CGNL1: variants seen among roughly 807,000 people sequenced by gnomAD.
CGNL1 encodes cingulin-like protein 1.
Under a neutral mutation model 141.2 loss-of-function variants are expected in CGNL1, and 132 were observed. The observed-to-expected ratio is 0.93, with a 90% CI of 0.81 to 1.08. The LOEUF is 1.08. CGNL1 is among the 50% of genes least tolerant of loss of function. The pLI, the probability that CGNL1 is intolerant of heterozygous loss-of-function variation, is 0.00. For missense variants in CGNL1, 1,870 were observed against 1,588.6 expected (o/e 1.18, Z -3.01); for synonymous variants, 690 against 622.1 (o/e 1.11, Z -1.63).
chr15:57,483,979 C>G (rs1301321041), intron 8 of CGNL1, among the ~76,000 whole-genome samples: 1 of 152,078 alleles, frequency 6.6e-6, no homozygotes, highest in Non-Finnish European at 1.5e-5. Context: ...TTAAAAATTG[C>G]TGACTTTTAT....
intron 1 of CGNL1, among the ~76,000 whole-genome samples, chr15:57,382,518 T>A (rs929461340): frequency 6.6e-6 from 1 of 152,222 alleles, no homozygotes; most frequent in Non-Finnish European, 1.5e-5. Flanking sequence ...TTCAGGTGAT[T>A]GCTTTGTAGT....
At chr15:57,513,253 GGTGTGTGTGTGTGT>G (rs369204678) in intron 8 of CGNL1, among the ~76,000 whole-genome samples, 40 of 133,890 alleles carry the variant, frequency 3.0e-4, no homozygotes, top group South Asian at 7.8e-4. Context: ...TGTCAATATG[GGTGTGTGTGTGTGT>G]GTGTGTGTGT....
intron 10 of CGNL1, among the ~76,000 whole-genome samples, chr15:57,521,842 C>T (rs1164106720): frequency 6.6e-6 from 1 of 151,860 alleles, no homozygotes; most frequent in Non-Finnish European, 1.5e-5. Context: ...AGGAGAAAGG[C>T]TGGGGGATTC....
intron 1 of CGNL1, among the ~76,000 whole-genome samples, chr15:57,403,546 T>C (rs1053084231): frequency 3.9e-5 from 6 of 152,180 alleles, no homozygotes; most frequent in African/African-American, 1.2e-4. Context: ...TCTGCCCTCC[T>C]GTGTGCCCAC....
chr15:57,408,783 C>T (rs1229917188), intron 1 of CGNL1, among the ~76,000 whole-genome samples: 2 of 152,086 alleles, frequency 1.3e-5, no homozygotes, highest in African/African-American at 4.8e-5. Flanking sequence ...TGCCTGTAAT[C>T]CCAGCACTTT....
At chr15:57,532,591 A>C (rs2032013651) in intron 14 of CGNL1, among the ~76,000 whole-genome samples, 1 of 152,232 alleles carries the variant, frequency 6.6e-6, no homozygotes, top group African/African-American at 2.4e-5. Flanking sequence ...GTGTTGTCAT[A>C]AGGATCAAAT....
chr15:57,544,582 T>C lies in CGNL1; in HGVS notation c.3485T>C (p.Leu1162Pro). 1 of 1,586,966 alleles carries C rather than the reference T, an allele frequency of 6.3e-7. No homozygotes were observed. The highest frequency in any genetic ancestry group is 1.1e-5 in the South Asian group (1 of 87,242). ...AGGATCGCGGAGCTGGAGGACCGCCTGGAGAGTGAGGAGAGGTGAGCCGGG... is the reference window on the plus strand; with the variant it reads ...AGGATCGCGGAGCTGGAGGACCGCCCGGAGAGTGAGGAGAGGTGAGCCGGG... ...EARIAELEDRLESEERDRANL... is the reference protein window; with the variant it reads ...EARIAELEDRPESEERDRANL... The change falls in exon 16 of 19, where the codon CTG (leucine) becomes CCG (proline). Residue 1162 changes from leucine to proline, a missense_variant. Physicochemically the swap from Leu to Pro is moderately conservative, Grantham distance 98. Transcript: ENST00000281282.
chr15:57,410,126 G>C (rs1045814090), intron 1 of CGNL1, among the ~76,000 whole-genome samples: 18 of 152,188 alleles, frequency 1.2e-4, no homozygotes, highest in Non-Finnish European at 2.4e-4. Flanking sequence ...CAGTGTGAGG[G>C]TCAGGCCCGA....
chr15:57,447,577 A>C (rs2061457847), intron 4 of CGNL1, among the ~76,000 whole-genome samples: 1 of 152,072 alleles, frequency 6.6e-6, no homozygotes, highest in African/African-American at 2.4e-5. Context: ...TTAGATTTTG[A>C]CTATGACGTG....
At chr15:57,526,901 A>G (rs1300942096) in intron 12 of CGNL1, among the ~76,000 whole-genome samples, 3 of 152,110 alleles carry the variant, frequency 2.0e-5, no homozygotes, top group African/African-American at 7.2e-5. Flanking sequence ...ACAGGAAGGA[A>G]ACGCAGGCTG....
chr15:57,488,934 T>A lies in CGNL1; in HGVS notation c.2403+27042T>A, dbSNP rs547142613. ...GCTGCTTTACCCAAAGGAGGCCAGG[T>A]TGAAATTGAAGCAGTAGCTGTTCAA... On this transcript the variant is annotated intron_variant, in intron 8 of 18. Transcript: ENST00000281282. Among the ~76,000 whole-genome samples, 4 of 152,290 alleles carry A rather than the reference T, an allele frequency of 2.6e-5. No homozygotes were observed. In the East Asian group the frequency reaches 5.8e-4, roughly 22 times the overall value.
chr15:57,546,032 T>C (rs757779709), intron 17 of CGNL1, 44 bp from the exon 18 acceptor site: 2 of 1,587,514 alleles, frequency 1.3e-6, no homozygotes, highest in African/African-American at 1.3e-5. Flanking sequence ...GCGCTGGGGC[T>C]GGGCCATCAG....
Position 57,452,194 on chromosome 15 carries a change from G to A in CGNL1, c.1959G>A (p.Glu653=). 6.2e-7 allele frequency: 1 copy of A among 1,613,932 alleles called. No individual in the cohort carries two copies. Among genetic ancestry groups the A allele is most frequent in the Non-Finnish European group, 8.5e-7 (1 of 1,179,928 alleles). Residue 653 remains glutamate, a synonymous_variant, in exon 6 of 19, where the codon GAG becomes GAA. Transcript: ENST00000281282. The stretch of plus-strand genomic sequence containing the variant: ...AGAGGATGAGAGCAAACCTAGAAGA[G>A]CTCCGAAGCCAACACAACGAAAAGG... ...ERERMRANLE[E]LRSQHNEKVE...
At chr15:57,423,455 A>G (rs2062938362) in intron 1 of CGNL1, among the ~76,000 whole-genome samples, 1 of 151,420 alleles carries the variant, frequency 6.6e-6, no homozygotes, top group South Asian at 2.1e-4. Flanking sequence ...TTTAACGTTA[A>G]TTTCTGCATG....
intron 8 of CGNL1, among the ~76,000 whole-genome samples, chr15:57,491,368 C>T (rs906333881): frequency 3.9e-5 from 6 of 152,228 alleles, no homozygotes; most frequent in East Asian, 3.8e-4. Context: ...CAAGCAGCCT[C>T]CTTCCCACAG....
intron 14 of CGNL1, among the ~76,000 whole-genome samples, chr15:57,532,496 A>T (rs2032005071): frequency 6.6e-6 from 1 of 152,230 alleles, no homozygotes; most frequent in Non-Finnish European, 1.5e-5. Flanking sequence ...CCTTTGGATA[A>T]TACTGCATGT....
intron 1 of CGNL1, among the ~76,000 whole-genome samples, chr15:57,428,420 G>A (rs1286047365): frequency 6.6e-6 from 1 of 152,222 alleles, no homozygotes; most frequent in Non-Finnish European, 1.5e-5. Context: ...GGTGCTGTGA[G>A]GATCTCATCA....
intron 8 of CGNL1, among the ~76,000 whole-genome samples, chr15:57,466,566 C>T (rs1014721887): frequency 2.0e-5 from 3 of 152,092 alleles, no homozygotes; most frequent in African/African-American, 7.2e-5. Flanking sequence ...AATTTTGCTC[C>T]GGGTTTTATC....
intron 1 of CGNL1, among the ~76,000 whole-genome samples, chr15:57,395,659 T>C (rs867498932): frequency 1.3e-5 from 2 of 152,246 alleles, no homozygotes; most frequent in Non-Finnish European, 2.9e-5. Context: ...CTGTTGTATA[T>C]TGGGCTCTAC....
Sources: allele counts gnomAD v4.1 joint callset (sites outside exome capture counted in the v4.1 genomes callset), GRCh38; gene constraint gnomAD v4.1.1; transcripts MANE v1.5; gene names NCBI Gene and HGNC (gene_info 2026-07-23, HGNC 2026-07-21).